Variants in SKOR2 observed in about 807,000 individuals in gnomAD.
SKOR2 encodes LBX1 corepressor 1-like protein.
In SKOR2, 47 loss-of-function variants were observed where a neutral mutation model predicts 69.1. That is an observed-to-expected ratio of 0.68 (90% CI 0.54 to 0.87). The LOEUF (loss-of-function observed/expected upper bound fraction) is 0.87. Ranked by LOEUF, SKOR2 falls within the 40% of genes least tolerant of loss-of-function variation. SKOR2 has a pLI of 0.00. For missense variants in SKOR2, 1,404 were observed against 1,472.2 expected (o/e 0.95, Z 0.76); for synonymous variants, 717 against 672.6 (o/e 1.07, Z -1.02).
chr18:47,229,438 G>C (rs1258108894), intron 6 of SKOR2, among the ~76,000 whole-genome samples: 3 of 152,128 alleles, frequency 2.0e-5, no homozygotes, highest in Non-Finnish European at 4.4e-5. Context: ...CGGATCACCT[G>C]AGGTCAGGAG....
intron 1 of SKOR2, among the ~76,000 whole-genome samples, chr18:47,250,721 AACAAACC>A (rs1219509755): frequency 6.6e-6 from 1 of 152,144 alleles, no homozygotes; most frequent in African/African-American, 2.4e-5. Flanking sequence ...AGGAAGCTTG[AACAAACC>A]TCGACGCGAT....
chr18:47,238,256 AAAGT>A (rs1022515729), intron 4 of SKOR2, among the ~76,000 whole-genome samples: 3 of 152,110 alleles, frequency 2.0e-5, no homozygotes, highest in African/African-American at 7.2e-5. Context: ...AAAAAGAAAG[AAAGT>A]GTGTTATTTA....
intron 4 of SKOR2, among the ~76,000 whole-genome samples, chr18:47,231,762 G>T (rs561109545): frequency 6.6e-6 from 1 of 151,186 alleles, no homozygotes; most frequent in Non-Finnish European, 1.5e-5. Context: ...AGAATCACTT[G>T]AACCCGGGAG....
At chr18:47,208,922 G>T (rs2064120252) in intron 8 of SKOR2, among the ~76,000 whole-genome samples, 1 of 152,150 alleles carries the variant, frequency 6.6e-6, no homozygotes, top group African/African-American at 2.4e-5. Flanking sequence ...TAAACAAATA[G>T]AATTCATTGT....
In SKOR2 at chr18:47,247,545, G is replaced by T. The variant is rs1231567823; in HGVS notation, c.1639C>A (p.Pro547Thr). 3 of 1,222,034 alleles carry T rather than the reference G, an allele frequency of 2.5e-6. No individual in the cohort carries two copies. The highest frequency in any genetic ancestry group is 3.1e-6 in the Non-Finnish European group (3 of 982,526). 75.7% of individuals were successfully genotyped at this position (1,222,034 alleles called of 1,614,324 possible). Residue 547 changes from proline (P) to threonine (T), a missense_variant, in exon 2 of 9, where the codon CCT becomes ACT. By Grantham distance (38) the Pro-to-Thr change is conservative (BLOSUM62 -1). Coordinates refer to ENST00000425639, the MANE Select transcript of SKOR2 (RefSeq NM_001278063.4). The surrounding 1 kb of genome is among the most constrained non-coding windows in gnomAD (Gnocchi z 6.6). Reference protein sequence around the residue: ...ANGPGSGPPPPAGGAGSRDAL... With the variant: ...ANGPGSGPPPTAGGAGSRDAL... ...TCGCGAGAGCCGGCGCCCCCGGCAG[G>T]AGGAGGTGGGCCGGAGCCCGGGCCG...
At chr18:47,233,078 T>C (rs2144498469) in intron 4 of SKOR2, among the ~76,000 whole-genome samples, 1 of 152,284 alleles carries the variant, frequency 6.6e-6, no homozygotes, top group East Asian at 1.9e-4. Context: ...TGTAGGTAAA[T>C]ACATCTGTGA....
chr18:47,224,305 C>T (rs1249661139), intron 6 of SKOR2, among the ~76,000 whole-genome samples: 1 of 152,100 alleles, frequency 6.6e-6, no homozygotes, highest in African/African-American at 2.4e-5. Flanking sequence ...ACTTATAACC[C>T]AACTATTTTT....
chr18:47,209,433 A>C (rs1013732064), intron 8 of SKOR2, among the ~76,000 whole-genome samples: 11 of 152,148 alleles, frequency 7.2e-5, no homozygotes, highest in Non-Finnish European at 1.6e-4. Flanking sequence ...CTCCTTGCAG[A>C]CTTGGCATGT....
intron 6 of SKOR2, among the ~76,000 whole-genome samples, chr18:47,226,041 T>C (rs2064177582): frequency 2.0e-5 from 3 of 151,860 alleles, no homozygotes; most frequent in Admixed American, 6.6e-5. Flanking sequence ...AGAAGGGAGG[T>C]GAGGATGCAG....
At chr18:47,244,369 A>G (rs544558376) in intron 4 of SKOR2, among the ~76,000 whole-genome samples, 8 of 152,352 alleles carry the variant, frequency 5.3e-5, no homozygotes, top group Admixed American at 5.2e-4. Context: ...CCTCTCCTTA[A>G]GACACTGCAA....
chr18:47,230,475 T>G lies in SKOR2; in HGVS notation c.2901A>C (p.Thr967=), dbSNP rs955018170. Residue 967 remains threonine (T), a synonymous_variant, in exon 6 of 9, where the codon ACA becomes ACC. Coordinates refer to ENST00000425639, the MANE Select transcript of SKOR2 (RefSeq NM_001278063.4). ...ATTTCTTACTGAATACTGGGAAAGA[T>G]GTGTTTCCTTTTAACACCTGGAATT... ...EQEFQVLKGN[T]SFPVFNNFQD... The G allele has an allele frequency of 2.0e-5, 29 of 1,444,402 alleles. No individual in the cohort carries two copies. Among genetic ancestry groups the G allele is most frequent in the Non-Finnish European group, 2.6e-5 (29 of 1,106,424 alleles). 89.5% of individuals were successfully genotyped at this position (1,444,402 alleles called of 1,614,324 possible).
intron 7 of SKOR2, among the ~76,000 whole-genome samples, chr18:47,213,606 A>G (rs1025562): frequency 5.3e-5 from 8 of 151,990 alleles, no homozygotes; most frequent in Non-Finnish European, 4.4e-5. Context: ...CAGGAAAAAA[A>G]AGGACAATAA....
chr18:47,218,657 A>G (rs2064151728), intron 7 of SKOR2, among the ~76,000 whole-genome samples: 1 of 151,144 alleles, frequency 6.6e-6, no homozygotes, highest in Admixed American at 6.6e-5. Flanking sequence ...TTAAAATTTT[A>G]TATTCCCCTA....
chr18:47,249,943 G>GT (rs2064305530), intron 1 of SKOR2, among the ~76,000 whole-genome samples: 1 of 152,218 alleles, frequency 6.6e-6, no homozygotes, highest in African/African-American at 2.4e-5. Flanking sequence ...GCTGAACTGA[G>GT]TGGTTCTGGT....
At chr18:47,234,724 G>T (rs932168439) in intron 4 of SKOR2, among the ~76,000 whole-genome samples, 3 of 152,064 alleles carry the variant, frequency 2.0e-5, no homozygotes, top group African/African-American at 7.2e-5. Context: ...AGCTGGGCAT[G>T]GTGGCAGGCA....
rs1188625105 is a variant in SKOR2, at chr18:47,206,267, C to A, written c.*629G>T. 2.6e-5 allele frequency: 4 copies of A among 152,024 alleles called. No individual in the cohort carries two copies. The highest frequency in any genetic ancestry group is 4.4e-5 in the Non-Finnish European group (3 of 68,012). 9.4% of individuals were successfully genotyped at this position (152,024 alleles called of 1,614,324 possible). ...CCATTTTTGATAACATGATTATATT[C>A]TTAATTACACTCAATATTAAACTGT... is the stretch of plus-strand genomic sequence containing the variant. On this transcript the variant is annotated 3_prime_UTR_variant, in exon 9 of 9. Transcript: ENST00000425639.
rs2064276420 is a variant in SKOR2 at position 47,246,780 on chromosome 18, G to T, written c.2404C>A (p.Arg802Ser). The change falls in exon 2 of 9, where the codon CGC becomes AGC. Residue 802 changes from arginine (R) to serine (S), a missense_variant. By Grantham distance (110) the Arg-to-Ser change is moderately radical. Transcript: ENST00000425639. ...GPSEKGSSRD[R>S]APAVAGAFPL... The stretch of plus-strand genomic sequence containing the variant: ...AACGCGCCCGCGACGGCCGGCGCGC[G>T]GTCCCGGCTGCTCCCCTTCTCCGAC... 2 of 1,404,926 alleles carry T rather than the reference G, an allele frequency of 1.4e-6. No homozygotes were observed. The highest frequency in any genetic ancestry group is 1.8e-6 in the Non-Finnish European group (2 of 1,089,426). 87.0% of individuals were successfully genotyped at this position (1,404,926 alleles called of 1,614,324 possible). A position where few individuals can be genotyped will look rare whatever the true frequency, so the allele number is the denominator to read the frequency against.
intron 3 of SKOR2, 120 bp from the exon 4 acceptor site, chr18:47,245,102 A>G: frequency 2.6e-6 from 2 of 768,412 alleles, no homozygotes; most frequent in East Asian, 5.4e-5. Context: ...TTTGAGAGCT[A>G]TTAACTCCAA....
intron 6 of SKOR2, among the ~76,000 whole-genome samples, chr18:47,230,145 C>T (rs941995268): frequency 2.6e-5 from 4 of 151,698 alleles, no homozygotes; most frequent in South Asian, 2.1e-4. Context: ...AATCTATAAT[C>T]GAACTATATC....
Sources: allele counts gnomAD v4.1 joint callset (sites outside exome capture counted in the v4.1 genomes callset), GRCh38; gene constraint gnomAD v4.1.1; non-coding constraint Gnocchi (gnomAD v3.1); transcripts MANE v1.5; gene names NCBI Gene and HGNC (gene_info 2026-07-23, HGNC 2026-07-21).